COL1A1: variants seen among roughly 807,000 people sequenced by gnomAD.
COL1A1 encodes the protein collagen type I alpha 1 chain.
In COL1A1, 21 loss-of-function variants were observed where a neutral mutation model predicts 195.7. The ratio of observed to expected loss-of-function variants is 0.11; its 90% CI spans 0.08 to 0.15. The LOEUF (loss-of-function observed/expected upper bound fraction) is 0.15. Among genes scored for constraint, COL1A1 ranks in the 10% least tolerant of loss-of-function variants. The pLI, the probability that COL1A1 is intolerant of heterozygous loss-of-function variation, is 1.00. For missense variants in COL1A1, 1,365 were observed against 2,051.0 expected (o/e 0.67, Z 6.46); for synonymous variants, 749 against 747.3 (o/e 1.00, Z -0.04).
chr17:50,194,637 A>G lies in COL1A1; in HGVS notation c.1462-11T>C. 1 of 1,559,504 alleles carries G rather than the reference A, an allele frequency of 6.4e-7. No homozygotes were observed. The highest frequency in any genetic ancestry group is 8.7e-7 in the Non-Finnish European group (1 of 1,151,440). ...GCTACCAGGTCCACCCTGCAGGAGGAGAGGAGGCCAGTGAACTCCGCGACA... is the reference window on the plus strand; with the variant it reads ...GCTACCAGGTCCACCCTGCAGGAGGGGAGGAGGCCAGTGAACTCCGCGACA... On this transcript the variant is annotated splice_polypyrimidine_tract_variant and intron_variant, in intron 21 of 50. Coordinates refer to ENST00000225964, the MANE Select transcript of COL1A1 (RefSeq NM_000088.4). This position sits in a 1 kb window ranked among gnomAD's most constrained non-coding sequence, Gnocchi z 6.8.
At chr17:50,201,166 T>G (rs1363468533) in intron 1 of COL1A1, among the ~76,000 whole-genome samples, 1 of 152,170 alleles carries the variant, frequency 6.6e-6, no homozygotes, top group Non-Finnish European at 1.5e-5. Context: ...GCGCTCGGGA[T>G]TCTCTCTTGC....
At chr17:50,187,350 C>T in intron 46 of COL1A1, 134 bp downstream of exon 46, 1 of 945,958 alleles carries the variant, frequency 1.1e-6, no homozygotes. Flanking sequence ...GTTCAGGATT[C>T]TTCCTCTCTT....
At chr17:50,200,215 GC>G in intron 1 of COL1A1, 1 of 485,952 alleles carries the variant, frequency 2.1e-6, no homozygotes, top group South Asian at 2.0e-5. Flanking sequence ...TCCAACCTCA[GC>G]CCATTGGCGC....
rs909440362 is a variant in COL1A1 at position 50,188,031 on chromosome 17, T to C, written c.3262-48A>G. On this transcript the variant is annotated intron_variant, in intron 44 of 50. Coordinates refer to ENST00000225964, the MANE Select transcript of COL1A1 (RefSeq NM_000088.4). This position sits in a 1 kb window ranked among gnomAD's most constrained non-coding sequence, Gnocchi z 5.6. ...CTGTCAGGCGGAAGTTCCATTGGCATCGAGTGGGGCACTGTCTGCATCTGT... is the reference window on the plus strand; with the variant it reads ...CTGTCAGGCGGAAGTTCCATTGGCACCGAGTGGGGCACTGTCTGCATCTGT... 8 of 1,613,600 alleles carry C rather than the reference T, an allele frequency of 5.0e-6. No homozygotes were observed. Among genetic ancestry groups the C allele is most frequent in the Non-Finnish European group, 6.8e-6 (8 of 1,179,586 alleles).
In COL1A1 at chr17:50,194,856, C is replaced by T. The variant is rs1907434419; in HGVS notation, c.1354-28G>A. ...GGAGAGGGCCGAGAGGAGGAGGCGG[C>T]CTGTGGTGAGGGGCCATCCTGTGCC... On this transcript the variant is annotated intron_variant, in intron 20 of 50. Transcript: ENST00000225964. The surrounding 1 kb of genome is among the most constrained non-coding windows in gnomAD (Gnocchi z 6.8). The T allele has an allele frequency of 6.4e-7, 1 of 1,570,798 alleles. No homozygotes were observed. The highest frequency in any genetic ancestry group is 8.6e-7 in the Non-Finnish European group (1 of 1,156,516).
rs72645347 is a variant in COL1A1, at chr17:50,196,337, G to A, written c.934C>T (p.Arg312Cys). Residue 312 changes from arginine to cysteine, a missense_variant, in exon 14 of 51, where the codon CGC becomes TGC. Physicochemically the swap from Arg to Cys is radical, Grantham distance 180. Transcript: ENST00000225964. Reference sequence around the variant, plus strand: ...ACAGCAGGGCCAGGGGCTCCAGGGCGACCTCTCTCACCAGGCAGGCCACGG... The same window carrying A: ...ACAGCAGGGCCAGGGGCTCCAGGGCAACCTCTCTCACCAGGCAGGCCACGG... ...GPRGLPGERG[R>C]PGAPGPAGAR... The A allele has an allele frequency of 6.2e-7, 1 of 1,611,554 alleles. No homozygotes were observed. The highest frequency in any genetic ancestry group is 8.5e-7 in the Non-Finnish European group (1 of 1,178,706).
In COL1A1 at chr17:50,187,108, A is replaced by G; in HGVS notation, c.3438T>C (p.Ser1146=). ...GPAGPRGPPG[S]AGAPGKDGLN... The stretch of plus-strand genomic sequence containing the variant: ...GTCCATCTTTGCCAGGAGCACCAGC[A>G]GAGCCAGGGGGACCCTGGAGTGGGG... The change falls in exon 47 of 51, where the codon TCT becomes TCC. Residue 1146 remains serine, a synonymous_variant. Coordinates refer to ENST00000225964, the MANE Select transcript of COL1A1 (RefSeq NM_000088.4). 6.2e-7 allele frequency: 1 copy of G among 1,611,062 alleles called. No homozygotes were observed. Among genetic ancestry groups the G allele is most frequent in the Non-Finnish European group, 8.5e-7 (1 of 1,178,808 alleles).
intron 7 of COL1A1, 37 bp downstream of exon 7, chr17:50,198,124 G>C (rs1458980578): frequency 1.2e-6 from 2 of 1,613,254 alleles, no homozygotes; most frequent in South Asian, 2.2e-5. Flanking sequence ...AAAGACCAAA[G>C]CCCAAGGAGG....
rs369283493 is a variant in COL1A1 at position 50,186,925 on chromosome 17, G to A, written c.3532-3C>T. The A allele has an allele frequency of 7.7e-5, 124 of 1,613,518 alleles. No individual in the cohort carries two copies. The highest frequency in any genetic ancestry group is 1.0e-4 in the Non-Finnish European group (121 of 1,179,842). ...GGTCCAGGAGGGCCGGGGGGACCCT[G>A]CACAGAGAGGGAAGAGAGTGGGGAT... is the stretch of plus-strand genomic sequence containing the variant. On this transcript the variant is annotated splice_region_variant and splice_polypyrimidine_tract_variant and intron_variant, in intron 47 of 50. Coordinates refer to ENST00000225964, the MANE Select transcript of COL1A1 (RefSeq NM_000088.4). This position sits in a 1 kb window ranked among gnomAD's most constrained non-coding sequence, Gnocchi z 5.3.
At chr17:50,187,429 C>T in intron 46 of COL1A1, 55 bp downstream of exon 46, 10 of 1,597,756 alleles carry the variant, frequency 6.3e-6, no homozygotes, top group Non-Finnish European at 8.6e-6. Flanking sequence ...GCAAGGGTCC[C>T]CGAGGTGAGC....
chr17:50,192,726 G>T (rs745414033), intron 27 of COL1A1, 33 bp from the exon 28 acceptor site: 3 of 1,613,970 alleles, frequency 1.9e-6, no homozygotes, highest in South Asian at 2.2e-5. Context: ...TCACGGGGAG[G>T]CCGAGGAGAC....
Position 50,196,612 on chromosome 17 carries a change from CTT to C in COL1A1, c.858+3_858+4del. ...GAGGACCATGATGTTCAGACAGCCT[CTT>C]ACCTTAGGACCAGCAGGACCAGCAT... On this transcript the variant is annotated splice_donor_region_variant and intron_variant, in intron 12 of 50. Transcript: ENST00000225964. 6.2e-7 allele frequency: 1 copy of C among 1,614,158 alleles called. No homozygotes were observed. The highest frequency in any genetic ancestry group is 8.5e-7 in the Non-Finnish European group (1 of 1,180,020).
chr17:50,188,588 G>A lies in COL1A1; in HGVS notation c.3149C>T (p.Ala1050Val). 1.2e-6 allele frequency: 2 copies of A among 1,613,960 alleles called. No homozygotes were observed. Among genetic ancestry groups the A allele is most frequent in the Non-Finnish European group, 1.7e-6 (2 of 1,179,976 alleles). Residue 1050 changes from alanine (A) to valine (V), a missense_variant, in exon 43 of 51, where the codon GCT becomes GTT. By Grantham distance (64) the Ala-to-Val change is moderately conservative. Coordinates refer to ENST00000225964, the MANE Select transcript of COL1A1 (RefSeq NM_000088.4). This position sits in a 1 kb window ranked among gnomAD's most constrained non-coding sequence, Gnocchi z 5.6. ...GPAGPPGAPG[A>V]PGAPGPVGPA... ...GCCAACGGGGCCAGGGGCACCAGGAGCACCAGGAGCACCAGGGGGTCCAGC... is the reference window on the plus strand; with the variant it reads ...GCCAACGGGGCCAGGGGCACCAGGAACACCAGGAGCACCAGGGGGTCCAGC...
chr17:50,185,093 T>G lies in COL1A1; in HGVS notation c.*409A>C, dbSNP rs895145709. On this transcript the variant is annotated 3_prime_UTR_variant, in exon 51 of 51. Coordinates refer to ENST00000225964, the MANE Select transcript of COL1A1 (RefSeq NM_000088.4). ...TTCCTGTGTCTTCTGGGGAGACAGA[T>G]TTGGGAAGGAGTGGAGGGGAGGCCC... The G allele has an allele frequency of 1.1e-5, 3 of 272,240 alleles. No homozygotes were observed. The highest frequency in any genetic ancestry group is 2.3e-3 in the Middle Eastern group (2 of 864). The allele number at this position is 272,240 out of a possible 1,614,324, so 16.9% of individuals were successfully genotyped here.
intron 46 of COL1A1, 132 bp from the exon 47 acceptor site, chr17:50,187,254 T>C (rs993470813): frequency 2.3e-5 from 20 of 880,234 alleles, no homozygotes; most frequent in Admixed American, 6.3e-5. Context: ...CCTCTTTCCA[T>C]AGGACATGCC....
At position 50,197,030 on chromosome 17, in the gene COL1A1, G is replaced by T. The variant is rs1249003502; in HGVS notation, c.784C>A (p.Pro262Thr). Residue 262 changes from proline (P) to threonine (T), a missense_variant, in exon 11 of 51, where the codon CCT (proline) becomes ACT (threonine). Transcript: ENST00000225964. ...CTCACTCTGTGTCCCTTCATTCCAG[G>T]GAGGCCAGCTGTTCCGGGCAATCCT... ...ARGLPGTAGL[P>T]GMKGHRGFSG... 5 of 1,613,954 alleles carry T rather than the reference G, an allele frequency of 3.1e-6. No individual in the cohort carries two copies. The highest frequency in any genetic ancestry group is 2.5e-6 in the Non-Finnish European group (3 of 1,179,996).
At position 50,191,038 on chromosome 17, in the gene COL1A1, C is replaced by T. The variant is rs1222453714; in HGVS notation, c.2236-114G>A. On this transcript the variant is annotated intron_variant, in intron 32 of 50. Transcript: ENST00000225964. ...CCTCTGCAGCTCTGCCCTGCCTCCA[C>T]CTGGGCCAAGGACTCAAAGATTCTT... 6 of 1,003,802 alleles carry T rather than the reference C, an allele frequency of 6.0e-6. No homozygotes were observed. The East Asian group carries it at 1.3e-4, about 22-fold the overall frequency. The allele number at this position is 1,003,802 out of a possible 1,614,324, so 62.2% of individuals were successfully genotyped here. A position where few individuals can be genotyped will look rare whatever the true frequency, so the allele number is the denominator to read the frequency against.
At position 50,192,805 on chromosome 17, in the gene COL1A1, CA is replaced by C. The variant is rs72651621; in HGVS notation, c.1866del (p.Gly623AlafsTer143). The C allele has an allele frequency of 6.2e-7, 1 of 1,614,148 alleles. No homozygotes were observed. Among genetic ancestry groups the C allele is most frequent in the Non-Finnish European group, 8.5e-7 (1 of 1,180,030 alleles). ...KDGEAGAQGPPGPAGPAGERG... is the reference protein window; with the variant it reads ...KDGEAGAQGPXGPAGPAGERG... ...CCATCAGGGACACTCACAGCAGGGC[CA>C]GGGGGTCCCTGAGCTCCAGCCTCTC... On this transcript the variant is annotated frameshift_variant, in exon 27 of 51. Coordinates refer to ENST00000225964, the MANE Select transcript of COL1A1 (RefSeq NM_000088.4). LOFTEE classifies it high-confidence loss of function.
At position 50,184,293 on chromosome 17, in the gene COL1A1, G is replaced by A. The variant is rs1383406763; in HGVS notation, c.*1209C>T. 8.6e-6 allele frequency: 2 copies of A among 231,366 alleles called. No individual in the cohort carries two copies. The highest frequency in any genetic ancestry group is 1.8e-4 in the South Asian group (1 of 5,514). The allele number at this position is 231,366 out of a possible 1,614,324, so 14.3% of individuals were successfully genotyped here. A position where few individuals can be genotyped will look rare whatever the true frequency, so the allele number is the denominator to read the frequency against. ...ACGCAGGACAGACTAGGAGGGAGCCGGGAGGATGGGCTGCAGCTGTGGAGG... is the reference window on the plus strand; with the variant it reads ...ACGCAGGACAGACTAGGAGGGAGCCAGGAGGATGGGCTGCAGCTGTGGAGG... On this transcript the variant is annotated 3_prime_UTR_variant, in exon 51 of 51. Transcript: ENST00000225964.
Sources: gnomAD v4.1 joint callset for allele counts (sites outside exome capture counted in the v4.1 genomes callset) on GRCh38, gnomAD v4.1.1 for gene constraint, Gnocchi (gnomAD v3.1) non-coding constraint, MANE v1.5 for transcripts, NCBI Gene and HGNC (gene_info 2026-07-23, HGNC 2026-07-21) for gene names.